The following CTNNA3 variants were observed in gnomAD, a reference collection of about 807,000 sequenced individuals.
CTNNA3 encodes catenin alpha-3.
A neutral mutation model predicts 95.7 loss-of-function variants in CTNNA3; 76 were observed. The ratio of observed to expected loss-of-function variants is 0.79; its 90% CI spans 0.66 to 0.96. The LOEUF (loss-of-function observed/expected upper bound fraction) is 0.96, where lower values mean the gene tolerates loss of function less well. CTNNA3 is among the 40% of genes least tolerant of loss of function. CTNNA3 has a pLI of 0.00. For missense variants in CTNNA3, 1,191 were observed against 1,089.8 expected, an observed-to-expected ratio of 1.09 and a Z score of -1.31; for synonymous variants, 431 against 374.4, an observed-to-expected ratio of 1.15 and a Z score of -1.74.
intron 7 of CTNNA3, among the ~76,000 whole-genome samples, chr10:66,994,608 T>A (rs73317128): frequency 1.9e-4 from 29 of 152,312 alleles, no homozygotes; most frequent in African/African-American, 7.0e-4. Context: ...TTCAATTCTT[T>A]ACTCTCAACA....
chr10:66,729,995 A>G (rs1298172401), intron 9 of CTNNA3, among the ~76,000 whole-genome samples: 2 of 151,664 alleles, frequency 1.3e-5, no homozygotes, highest in African/African-American at 4.8e-5. Context: ...AGTCCCAGCT[A>G]CTGGGGAGGC....
intron 5 of CTNNA3, among the ~76,000 whole-genome samples, chr10:67,358,814 G>A (rs1163144055): frequency 6.6e-6 from 1 of 152,018 alleles, no homozygotes; most frequent in Non-Finnish European, 1.5e-5. Flanking sequence ...ACCCCCTTGG[G>A]GCTAAGGAAA....
At chr10:66,066,817 G>C (rs147632015) in intron 15 of CTNNA3, among the ~76,000 whole-genome samples, 1 of 152,098 alleles carries the variant, frequency 6.6e-6, no homozygotes. Flanking sequence ...ATATGCATAT[G>C]AGAATATCTA....
At chr10:67,499,075 C>T (rs1290065249) in intron 5 of CTNNA3, among the ~76,000 whole-genome samples, 1 of 152,164 alleles carries the variant, frequency 6.6e-6, no homozygotes, top group African/African-American at 2.4e-5. Flanking sequence ...GTGGGTTTGT[C>T]ATAAATAGCT....
chr10:65,996,185 G>T (rs2078654190), intron 15 of CTNNA3, among the ~76,000 whole-genome samples: 1 of 152,168 alleles, frequency 6.6e-6, no homozygotes, highest in African/African-American at 2.4e-5. Context: ...AGCAGCCATG[G>T]GGAGAGCCAG....
intron 13 of CTNNA3, among the ~76,000 whole-genome samples, chr10:66,144,460 G>A (rs1775224030): frequency 1.3e-5 from 2 of 151,618 alleles, no homozygotes; most frequent in Admixed American, 1.3e-4. Flanking sequence ...AAAAATATAT[G>A]GTGTTGGCTG....
intron 3 of CTNNA3, among the ~76,000 whole-genome samples, chr10:67,600,200 C>A (rs1391012947): frequency 6.6e-6 from 1 of 151,956 alleles, no homozygotes; most frequent in Non-Finnish European, 1.5e-5. Flanking sequence ...AAAATATGAC[C>A]TCTAATTCAC....
intron 17 of CTNNA3, among the ~76,000 whole-genome samples, chr10:65,922,288 T>C (rs1353104285): frequency 5.3e-5 from 8 of 152,200 alleles, no homozygotes; most frequent in Admixed American, 4.6e-4. Flanking sequence ...CTTGCTCTTA[T>C]TTTTGTAATG....
In CTNNA3 at chr10:66,976,458, T is replaced by G. The variant is rs1347588891; in HGVS notation, c.1048-200934A>C. Among the ~76,000 whole-genome samples the G allele has an allele frequency of 2.6e-5, 4 of 152,260 alleles. No homozygotes were observed. In the East Asian group the frequency reaches 7.7e-4, roughly 29 times the overall value. On this transcript the variant is annotated intron_variant, in intron 7 of 17. Transcript: ENST00000433211. ...ACCACCACTTCTATTCTTGCCTTCA[T>G]CTCTTTTTCTATAGATTACTCCAAT...
Position 66,814,851 on chromosome 10 carries a change from C to CTT in CTNNA3, c.1048-39329_1048-39328dup, listed in dbSNP as rs71035183. Reference sequence around the variant, plus strand: ...TTTGTAACATATAAAAGTTAGCATTCTTTTTTTTTTTTTTTTTTGAGATGG... The same window carrying CTT: ...TTTGTAACATATAAAAGTTAGCATTCTTTTTTTTTTTTTTTTTTTTGAGATGG... On this transcript the variant is annotated intron_variant, in intron 7 of 17. Transcript: ENST00000433211. 1.7e-3 allele frequency among the ~76,000 whole-genome samples: 190 copies of CTT among 114,940 alleles called. 3 individuals carry two copies. The highest frequency in any genetic ancestry group is 4.9e-3 in the African/African-American group (152 of 31,198). The allele number at this position is 114,940 out of a possible 152,430, so 75.4% of individuals were successfully genotyped here. A position where few individuals can be genotyped will look rare whatever the true frequency, so the allele number is the denominator to read the frequency against.
chr10:67,368,475 C>A lies in CTNNA3; in HGVS notation c.580-148605G>T, dbSNP rs867269100. On this transcript the variant is annotated intron_variant, in intron 5 of 17. Coordinates refer to ENST00000433211, the MANE Select transcript of CTNNA3 (RefSeq NM_013266.4). ...ATGATTTCTTAAAAGTGTAAAAATA[C>A]ATCTACCATGTGACTAAGCCACTGC... 1.6e-4 allele frequency among the ~76,000 whole-genome samples: 25 copies of A among 152,262 alleles called. No homozygotes were observed. The Middle Eastern group carries it at 0.01, about 62-fold the overall frequency.
chr10:66,691,666 G>C (rs1308605960), intron 9 of CTNNA3, among the ~76,000 whole-genome samples: 1 of 152,188 alleles, frequency 6.6e-6, no homozygotes, highest in Non-Finnish European at 1.5e-5. Flanking sequence ...CCTCAAGTGG[G>C]TCCCTGACCC....
intron 15 of CTNNA3, among the ~76,000 whole-genome samples, chr10:66,012,680 G>T (rs1188497696): frequency 2.0e-5 from 3 of 152,132 alleles, no homozygotes; most frequent in Non-Finnish European, 4.4e-5. Flanking sequence ...TGGTCAATTA[G>T]TCTGGGGTCT....
intron 7 of CTNNA3, among the ~76,000 whole-genome samples, chr10:66,931,647 T>C (rs1019784414): frequency 6.6e-6 from 1 of 152,178 alleles, no homozygotes; most frequent in Non-Finnish European, 1.5e-5. Flanking sequence ...GTTTTTTGAC[T>C]AGTAAATCAG....
chr10:66,124,706 C>T lies in CTNNA3; in HGVS notation c.1885-21457G>A, dbSNP rs142433260. On this transcript the variant is annotated intron_variant, in intron 13 of 17. Transcript: ENST00000433211. ...TCATGAAGGAAGGCAAGGAAGAGCACGTCACATCTTACATGGATGGAGGCA... is the reference window on the plus strand; with the variant it reads ...TCATGAAGGAAGGCAAGGAAGAGCATGTCACATCTTACATGGATGGAGGCA... 2.9e-3 allele frequency among the ~76,000 whole-genome samples: 448 copies of T among 152,234 alleles called. 1 individual carries two copies. Among genetic ancestry groups the T allele is most frequent in the Non-Finnish European group, 5.2e-3 (352 of 68,014 alleles).
chr10:66,880,830 G>A (rs1844820714), intron 7 of CTNNA3, among the ~76,000 whole-genome samples: 1 of 152,082 alleles, frequency 6.6e-6, no homozygotes, highest in South Asian at 2.1e-4. Flanking sequence ...TGCTAAATTG[G>A]AAGCTAAGTA....
chr10:66,694,933 T>C (rs1469926399), intron 9 of CTNNA3, among the ~76,000 whole-genome samples: 1 of 152,190 alleles, frequency 6.6e-6, no homozygotes, highest in Non-Finnish European at 1.5e-5. Context: ...CATTTATTAT[T>C]AATGTGCCCA....
chr10:67,145,697 G>C (rs1026237739), intron 7 of CTNNA3, among the ~76,000 whole-genome samples: 7 of 152,034 alleles, frequency 4.6e-5, no homozygotes, highest in Non-Finnish European at 7.4e-5. Context: ...CCAAAGTGCT[G>C]GGATTACAGG....
At chr10:66,407,333 C>G (rs897982684) in intron 11 of CTNNA3, among the ~76,000 whole-genome samples, 1 of 149,418 alleles carries the variant, frequency 6.7e-6, no homozygotes, top group African/African-American at 2.6e-5. Context: ...CTTTGCCACT[C>G]CACTTTTAAA....
Sources: gnomAD v4.1 joint callset for allele counts (sites outside exome capture counted in the v4.1 genomes callset) on GRCh38, gnomAD v4.1.1 for gene constraint, MANE v1.5 for transcripts, NCBI Gene and HGNC (gene_info 2026-07-23, HGNC 2026-07-21) for gene names.